ARMCX4: variants seen among roughly 807,000 people sequenced by gnomAD.
ARMCX4 encodes armadillo repeat containing X-linked 4.
In ARMCX4, 3 loss-of-function variants were observed where a neutral mutation model predicts 34.7. The ratio of observed to expected loss-of-function variants is 0.09; its 90% confidence interval spans 0.04 to 0.22. The LOEUF (loss-of-function observed/expected upper bound fraction) is 0.22, where lower values mean the gene tolerates loss of function less well. Ranked by LOEUF, ARMCX4 falls within the 10% of genes least tolerant of loss-of-function variation. The pLI, the probability that ARMCX4 is intolerant of heterozygous loss-of-function variation, is 1.00. For synonymous variants in ARMCX4, 513 were observed against 632.8 expected, an observed-to-expected ratio of 0.81 and a Z score of 2.84; for missense variants, 1,448 against 1,720.8, an observed-to-expected ratio of 0.84 and a Z score of 2.81.
chrX:101,528,320 G>A (rs1387414407), intron 11 of ARMCX4, among the ~76,000 whole-genome samples: 1 of 111,864 alleles, frequency 8.9e-6, no homozygotes, highest in African/African-American at 3.3e-5. Flanking sequence ...ACTAGGTATT[G>A]ATGGGATGTA....
intron 2 of ARMCX4, among the ~76,000 whole-genome samples, chrX:101,427,033 C>G (rs1490664277): frequency 8.9e-6 from 1 of 111,898 alleles, no homozygotes; most frequent in Non-Finnish European, 1.9e-5. Context: ...CTTATTTGAA[C>G]CCTATGTTAC....
intron 11 of ARMCX4, among the ~76,000 whole-genome samples, chrX:101,513,903 A>C (rs782346540): frequency 9.0e-6 from 1 of 110,912 alleles, no homozygotes; most frequent in Non-Finnish European, 1.9e-5. Flanking sequence ...AGTGGATATT[A>C]GTACTAGTAT....
chrX:101,453,667 T>C (rs1896457159), intron 4 of ARMCX4, among the ~76,000 whole-genome samples: 1 of 110,737 alleles, frequency 9.0e-6, no homozygotes, highest in African/African-American at 3.3e-5. Context: ...CACAGCTGTT[T>C]TACAGGGGTT....
intron 2 of ARMCX4, among the ~76,000 whole-genome samples, chrX:101,433,122 G>A (rs60928395): frequency 9.5e-6 from 1 of 105,773 alleles, no homozygotes; most frequent in Non-Finnish European, 2.0e-5. Flanking sequence ...ACACATGTAT[G>A]TATACATATT....
intron 8 of ARMCX4, among the ~76,000 whole-genome samples, chrX:101,505,653 C>T (rs1330265061): frequency 2.7e-5 from 3 of 111,347 alleles, no homozygotes; most frequent in Admixed American, 1.9e-4. Flanking sequence ...GAATTGAAAC[C>T]GAGGGTACAG....
intron 11 of ARMCX4, among the ~76,000 whole-genome samples, chrX:101,529,121 C>T (rs1055057326): frequency 9.0e-6 from 1 of 111,285 alleles, no homozygotes; most frequent in East Asian, 2.8e-4. Context: ...GCATGGTACT[C>T]GTACCAAAAC....
chrX:101,467,626 G>A (rs1439104930), intron 4 of ARMCX4, among the ~76,000 whole-genome samples: 1 of 111,954 alleles, frequency 8.9e-6, no homozygotes, highest in African/African-American at 3.2e-5. Context: ...GATGATACAA[G>A]CATCCATCCA....
rs1259019625 is a variant in ARMCX4 at position 101,489,709 on chromosome X, T to C, written c.1120T>C (p.Ser374Pro). Residue 374 changes from serine (S) to proline (P), a missense_variant, in exon 6 of 6, where the codon TCT becomes CCT. This residue lies in a region of ARMCX4 where 1,343 missense variants were observed against 1,540.7 expected (regional missense o/e 0.87). Coordinates refer to ENST00000423738, the MANE Select transcript of ARMCX4 (RefSeq NM_001256155.3). The part of the protein sequence containing the change: ...TVAKKQAEVT[S>P]GARVDGRGNT... ...GGCCAAGAAACAGGCTGAGGTGACGTCTGGTGCCAGGGTTGATGGTAGGGG... is the reference window on the plus strand; with the variant it reads ...GGCCAAGAAACAGGCTGAGGTGACGCCTGGTGCCAGGGTTGATGGTAGGGG... The C allele has an allele frequency of 8.7e-7, 1 of 1,152,309 alleles. No homozygotes were observed. The allele number at this position is 1,152,309 out of a possible 1,213,427, so 95.0% of individuals were successfully genotyped here. A position where few individuals can be genotyped will look rare whatever the true frequency, so the allele number is the denominator to read the frequency against.
upstream of ARMCX4, among the ~76,000 whole-genome samples, chrX:101,485,056 GAGTGCTGGTCTTATAGTCT>G (rs1222613420): frequency 9.1e-6 from 1 of 109,790 alleles, no homozygotes; most frequent in African/African-American, 3.3e-5. Context: ...GGCGGGTGGG[GAGTGCTGGTCTTATAGTCT>G]AAGAGAGAAA....
rs1192396194 is a variant in ARMCX4 at position 101,493,835 on chromosome X, C to A, written c.5246C>A (p.Thr1749Lys). The change falls in exon 6 of 6, where the codon ACA (threonine) becomes AAA (lysine). Residue 1749 changes from threonine (T) to lysine (K), a missense_variant. Thr to Lys is a moderately conservative substitution (Grantham distance 78). Around this residue, in one of 2 missense-constraint regions of ARMCX4, gnomAD observed 1,343 missense variants for 1,540.7 expected, o/e 0.87. Coordinates refer to ENST00000423738, the MANE Select transcript of ARMCX4 (RefSeq NM_001256155.3). ...GCCGTTATAGGGTCTTGGTGCTGGA[C>A]AGAGGAAAAAGCTGATATTGTGTCC... is the stretch of plus-strand genomic sequence containing the variant. ...AEAVIGSWCW[T>K]EEKADIVSRP... 3 of 1,149,063 alleles carry A rather than the reference C, an allele frequency of 2.6e-6. No individual in the cohort carries two copies. Among genetic ancestry groups the A allele is most frequent in the Non-Finnish European group, 3.4e-6 (3 of 871,355 alleles). The allele number at this position is 1,149,063 out of a possible 1,213,427, so 94.7% of individuals were successfully genotyped here.
intron 2 of ARMCX4, among the ~76,000 whole-genome samples, chrX:101,432,610 G>A (rs905607968): frequency 2.8e-5 from 3 of 108,708 alleles, no homozygotes; most frequent in Admixed American, 2.0e-4. Context: ...GCAGTGAGCC[G>A]AGATCCTGCC....
At chrX:101,421,426 G>T (rs1929246851) in intron 2 of ARMCX4, among the ~76,000 whole-genome samples, 1 of 110,918 alleles carries the variant, frequency 9.0e-6, no homozygotes, top group South Asian at 3.8e-4. Context: ...GCAGGACTTG[G>T]CAATGGATTG....
At chrX:101,418,708 G>T (rs1278103157) in intron 1 of ARMCX4, 1 of 111,408 alleles carries the variant, frequency 9.0e-6, no homozygotes, top group East Asian at 2.8e-4. Flanking sequence ...TCAGCCCCAG[G>T]GCAGTCCAGG....
rs184665403 is a variant in ARMCX4, at chrX:101,467,180, C to T, written c.-472-18843C>T. 2.2e-4 allele frequency among the ~76,000 whole-genome samples: 25 copies of T among 112,142 alleles called. No individual in the cohort carries two copies. The East Asian group carries it at 6.7e-3, about 30-fold the overall frequency. ...TGATTTTTCTTTTGAGACAGGGTCT[C>T]GCTCTGTTGTCCAGGCTGGAGTGCT... On this transcript the variant is annotated intron_variant and NMD_transcript_variant, in intron 4 of 15. Transcript: ENST00000433011.
intron 11 of ARMCX4, among the ~76,000 whole-genome samples, chrX:101,513,367 A>T (rs1336935544): frequency 9.0e-6 from 1 of 111,446 alleles, no homozygotes; most frequent in Non-Finnish European, 1.9e-5. Context: ...TAACAAAGCA[A>T]TACCTCCACT....
chrX:101,463,920 A>G (rs987784044), intron 4 of ARMCX4, among the ~76,000 whole-genome samples: 4 of 109,344 alleles, frequency 3.7e-5, no homozygotes, highest in South Asian at 4.0e-4. Context: ...TGCCCGGCTA[A>G]TTTTTTTTGG....
downstream of ARMCX4, among the ~76,000 whole-genome samples, chrX:101,448,932 T>TTA (rs1465326832): frequency 1.6e-4 from 10 of 62,314 alleles, 2 homozygotes; most frequent in East Asian, 1.5e-3. Flanking sequence ...TTTTTTTTTT[T>TTA]ACAGAGTCTT....
At chrX:101,475,500 A>AAAGCATGGT (rs1933147158) in intron 4 of ARMCX4, among the ~76,000 whole-genome samples, 5 of 111,594 alleles carry the variant, frequency 4.5e-5, no homozygotes, top group Non-Finnish European at 7.5e-5. Flanking sequence ...AAGGAACAAA[A>AAAGCATGGT]AAGCATGGTA....
At chrX:101,484,641 G>A (rs1184115669), upstream of ARMCX4, among the ~76,000 whole-genome samples, 1 of 112,131 alleles carries the variant, frequency 8.9e-6, no homozygotes, top group East Asian at 2.8e-4. Context: ...ATTAGAAAAC[G>A]AAATGTCTTT....
Sources: allele counts gnomAD v4.1 joint callset (sites outside exome capture counted in the v4.1 genomes callset), GRCh38; gene constraint gnomAD v4.1.1; regional missense constraint gnomAD v4.1.1; transcripts MANE v1.5; gene names NCBI Gene and HGNC (gene_info 2026-07-23, HGNC 2026-07-21).